The following AHNAK2 variants were observed in gnomAD, a reference collection of about 807,000 sequenced individuals.
AHNAK2 encodes protein AHNAK2.
AHNAK2 carries 18 observed loss-of-function variants against 30.7 expected under a neutral mutation model. That is an observed-to-expected ratio of 0.59 (90% confidence interval 0.41 to 0.87). AHNAK2 has a LOEUF of 0.87. Ranked by LOEUF, AHNAK2 falls within the 40% of genes least tolerant of loss-of-function variation. The pLI, the probability that AHNAK2 is intolerant of heterozygous loss-of-function variation, is 0.00. For missense variants in AHNAK2, 8,604 were observed against 7,373.0 expected (o/e 1.17, Z -6.11); for synonymous variants, 3,590 against 3,073.8 (o/e 1.17, Z -5.56).
chr14:104,938,248 C>G lies in AHNAK2; in HGVS notation c.17203G>C (p.Asp5735His). The part of the protein sequence containing the change: ...KLQEETITFF[D>H]ARESFSPEEK... ...TCAGGGGAGAAACTTTCTCGGGCAT[C>G]AAAAAACGTGATTGTTTCTTCTTGA... is the stretch of plus-strand genomic sequence containing the variant. The change falls in exon 7 of 7, where the codon GAT becomes CAT. Residue 5735 changes from aspartate (D) to histidine (H), a missense_variant. By Grantham distance (81) the Asp-to-His change is moderately conservative (BLOSUM62 -1). Transcript: ENST00000333244. The G allele has an allele frequency of 6.2e-7, 1 of 1,613,812 alleles. No individual in the cohort carries two copies. The highest frequency in any genetic ancestry group is 2.2e-5 in the East Asian group (1 of 44,884).
At position 104,948,532 on chromosome 14, in the gene AHNAK2, C is replaced by T. The variant is rs182618947; in HGVS notation, c.6919G>A (p.Ala2307Thr). ...GARLEGDMSL[A>T]DKDVTAKDSK... The stretch of plus-strand genomic sequence containing the variant: ...TCTTTGGCAGTCACGTCCTTGTCGG[C>T]CAGGGACATGTCCCCCTCCAGCCGC... The change falls in exon 7 of 7, where the codon GCC becomes ACC. Residue 2307 changes from alanine to threonine, a missense_variant. Coordinates refer to ENST00000333244, the MANE Select transcript of AHNAK2 (RefSeq NM_138420.4). 1.2e-6 allele frequency: 2 copies of T among 1,612,070 alleles called. No individual in the cohort carries two copies. The highest frequency in any genetic ancestry group is 4.5e-5 in the East Asian group (2 of 44,772).
At chr14:104,957,379 G>T (rs369460661) in intron 3 of AHNAK2, 31 bp downstream of exon 3, 72 of 1,544,444 alleles carry the variant, frequency 4.7e-5, no homozygotes, top group Non-Finnish European at 6.2e-5. Flanking sequence ...GGAGACCTGG[G>T]TGCCTGTGGG....
Position 104,946,001 on chromosome 14 carries a change from C to T in AHNAK2, c.9450G>A (p.Met3150Ile). 7.2e-7 allele frequency: 1 copy of T among 1,397,354 alleles called. No individual in the cohort carries two copies. The highest frequency in any genetic ancestry group is 1.0e-6 in the Non-Finnish European group (1 of 1,004,172). The allele number at this position is 1,397,354 out of a possible 1,614,324, so 86.6% of individuals were successfully genotyped here. A position where few individuals can be genotyped will look rare whatever the true frequency, so the allele number is the denominator to read the frequency against. The change falls in exon 7 of 7, where the codon ATG becomes ATA. Residue 3150 changes from methionine to isoleucine, a missense_variant. Met to Ile is a conservative substitution (Grantham distance 10, BLOSUM62 1). Coordinates refer to ENST00000333244, the MANE Select transcript of AHNAK2 (RefSeq NM_138420.4). ...DSKFKMPKFK[M>I]PSFGVSAPGK... ...CTGGGGCAGACACCCCGAACGACGG[C>T]ATCTTGAACTTGGGCATTTTGAACT...
rs763917769 is a variant in AHNAK2 at position 104,953,122 on chromosome 14, T to G, written c.2329A>C (p.Lys777Gln). 1.2e-6 allele frequency: 2 copies of G among 1,611,698 alleles called. No homozygotes were observed. Among genetic ancestry groups the G allele is most frequent in the Admixed American group, 3.3e-5 (2 of 59,870 alleles). ...GCCTTGGGGCCTTTCAGGTCCAGCT[T>G]GGGGCCCTTGAGGTCCACTTTGGGC... is the stretch of plus-strand genomic sequence containing the variant. The part of the protein sequence containing the change: ...KMPKVDLKGP[K>Q]LDLKGPKAEV... The change falls in exon 7 of 7, where the codon AAG becomes CAG. Residue 777 changes from lysine (K) to glutamine (Q), a missense_variant. Coordinates refer to ENST00000333244, the MANE Select transcript of AHNAK2 (RefSeq NM_138420.4).
chr14:104,969,459 A>G (rs1372528589), intron 1 of AHNAK2, among the ~76,000 whole-genome samples: 6 of 152,178 alleles, frequency 3.9e-5, no homozygotes, highest in Non-Finnish European at 8.8e-5. Flanking sequence ...TGCTGGGCAA[A>G]TTCACAGACT....
intron 1 of AHNAK2, chr14:104,970,557 C>G (rs189113480): frequency 3.4e-5 from 33 of 980,046 alleles, no homozygotes; most frequent in African/African-American, 2.3e-4. Flanking sequence ...GCTCCTCCCC[C>G]CATTGTCCCG....
chr14:104,949,304 A>T lies in AHNAK2; in HGVS notation c.6147T>A (p.Thr2049=), dbSNP rs548544001. ...QPPSADLKVQ[T]GQVDVKLPEG... ...CCGGGAGCTTCACATCCACCTGGCC[A>T]GTCTGGACCTTCAGGTCGGCAGAAG... The change falls in exon 7 of 7, where the codon ACT becomes ACA. Residue 2049 remains threonine (T), a synonymous_variant. Transcript: ENST00000333244. The T allele has an allele frequency of 5.6e-6, 6 of 1,066,322 alleles. 2 individuals carry two copies. In the African/African-American group the frequency reaches 8.7e-5, roughly 15 times the overall value. 66.1% of individuals were successfully genotyped at this position (1,066,322 alleles called of 1,614,324 possible).
rs757067612 is a variant in AHNAK2, at chr14:104,953,318, G to A, written c.2133C>T (p.Leu711=). ...TCTTGAGGTCCCCCTGCATGGAGAG[G>A]AGGCTCACGTCGGCCTCCACCTTCG... ...SAPKVEADVS[L]LSMQGDLKTT... Residue 711 remains leucine, a synonymous_variant, in exon 7 of 7, where the codon CTC becomes CTT. Transcript: ENST00000333244. The A allele has an allele frequency of 4.3e-6, 7 of 1,612,928 alleles. No homozygotes were observed. The African/African-American group carries it at 6.7e-5, about 15-fold the overall frequency.
In AHNAK2 at chr14:104,953,043, A is replaced by G. The variant is rs1267242756; in HGVS notation, c.2408T>C (p.Val803Ala). The change falls in exon 7 of 7, where the codon GTC (valine) becomes GCC (alanine). Residue 803 changes from valine to alanine, a missense_variant. Transcript: ENST00000333244. ...KMSLSSMEVD[V>A]QAPRAKLDGA... ...ATCCAGCTTTGCTCTCGGGGCCTGGACGTCCACCTCCATGCTGGACAGAGA... is the reference window on the plus strand; with the variant it reads ...ATCCAGCTTTGCTCTCGGGGCCTGGGCGTCCACCTCCATGCTGGACAGAGA... 10 of 1,612,960 alleles carry G rather than the reference A, an allele frequency of 6.2e-6. No individual in the cohort carries two copies. The highest frequency in any genetic ancestry group is 2.2e-5 in the East Asian group (1 of 44,788).
At chr14:104,974,987 G>A (rs529115867) in intron 1 of AHNAK2, among the ~76,000 whole-genome samples, 3 of 152,350 alleles carry the variant, frequency 2.0e-5, no homozygotes, top group South Asian at 2.1e-4. Flanking sequence ...GTCACAAGAG[G>A]AAGGACACAG....
rs866385857 is a variant in AHNAK2, at chr14:104,941,494, C to T, written c.13957G>A (p.Glu4653Lys). The change falls in exon 7 of 7, where the codon GAA becomes AAA. Residue 4653 changes from glutamate (E) to lysine (K), a missense_variant. Glu to Lys is a moderately conservative substitution (Grantham distance 56). Coordinates refer to ENST00000333244, the MANE Select transcript of AHNAK2 (RefSeq NM_138420.4). ...KKVSMSSSEI[E>K]GNVTFHEKTS... The stretch of plus-strand genomic sequence containing the variant: ...TTCTCATGGAATGTAACATTTCCTT[C>T]GATTTCAGAGGAAGACATGGAAACT... 8 of 1,612,798 alleles carry T rather than the reference C, an allele frequency of 5.0e-6. No individual in the cohort carries two copies. In the Admixed American group the frequency reaches 8.3e-5, roughly 17 times the overall value.
intron 1 of AHNAK2, among the ~76,000 whole-genome samples, chr14:104,958,714 A>G (rs1309178223): frequency 2.0e-5 from 3 of 152,194 alleles, no homozygotes; most frequent in African/African-American, 7.2e-5. Context: ...TTGTTTGAAG[A>G]AAAACAGAGT....
rs761507427 is a variant in AHNAK2 at position 104,944,305 on chromosome 14, C to T, written c.11146G>A (p.Gly3716Ser). The T allele has an allele frequency of 7.4e-6, 12 of 1,612,804 alleles. No individual in the cohort carries two copies. Among genetic ancestry groups the T allele is most frequent in the East Asian group, 2.2e-5 (1 of 44,730 alleles). Residue 3716 changes from glycine to serine, a missense_variant, in exon 7 of 7, where the codon GGC (glycine) becomes AGC (serine). Transcript: ENST00000333244. ...ACCTTGGGCAGGTGCTCTTTGAGGC[C>T]GGCTCCCTCGGGCACCTGGCCCTCC... is the stretch of plus-strand genomic sequence containing the variant. ...LPEGQVPEGA[G>S]LKEHLPKVEM...
Position 104,947,584 on chromosome 14 carries a change from C to T in AHNAK2, c.7867G>A (p.Ala2623Thr), listed in dbSNP as rs377394378. ...TCCAGCCGCGCACCATCCAGCTTTG[C>T]TCTCGGGGCCTGGACGTCCACCTCC... ...SMEVDVQAPR[A>T]KLDGARLEGD... The change falls in exon 7 of 7, where the codon GCA (alanine) becomes ACA (threonine). Residue 2623 changes from alanine (A) to threonine (T), a missense_variant. Physicochemically the swap from Ala to Thr is moderately conservative, Grantham distance 58. Coordinates refer to ENST00000333244, the MANE Select transcript of AHNAK2 (RefSeq NM_138420.4). The T allele has an allele frequency of 4.1e-4, 660 of 1,613,070 alleles. 17 individuals carry two copies. In the East Asian group the frequency reaches 0.014, roughly 34 times the overall value.
Position 104,938,711 on chromosome 14 carries a change from G to A in AHNAK2, c.16740C>T (p.Ser5580=), listed in dbSNP as rs753692719. Residue 5580 remains serine, a synonymous_variant, in exon 7 of 7, where the codon AGC becomes AGT. Coordinates refer to ENST00000333244, the MANE Select transcript of AHNAK2 (RefSeq NM_138420.4). ...TGEPFEMISS[S]VNVLGQQTLT... is the part of the protein sequence containing the mutation. ...GTGTTTGCTGTCCCAGTACATTGAC[G>A]CTGGAAGAGATCATCTCAAATGGTT... The A allele has an allele frequency of 9.3e-6, 15 of 1,613,272 alleles. No individual in the cohort carries two copies. The highest frequency in any genetic ancestry group is 6.7e-5 in the East Asian group (3 of 44,886).
chr14:104,954,899 CAGCCAGCAGGGTAGTGA>C lies in AHNAK2; in HGVS notation c.651+41_651+57del, dbSNP rs66540327. 691,911 of 1,569,624 alleles carry C rather than the reference CAGCCAGCAGGGTAGTGA, an allele frequency of 0.44. 158,498 individuals are homozygous for C. Among genetic ancestry groups the C allele is most frequent in the Middle Eastern group, 0.55 (2,817 of 5,116 alleles). ...TGGGAGTGCTATCCCCTCCCAGGCT[CAGCCAGCAGGGTAGTGA>C]AGCCAGCTGGGGCCCTGCCCCCCGG... is the stretch of plus-strand genomic sequence containing the variant. On this transcript the variant is annotated intron_variant, in intron 6 of 6. Transcript: ENST00000333244. The surrounding 1 kb of genome is among the most constrained non-coding windows in gnomAD (Gnocchi z 4.3).
At position 104,954,413 on chromosome 14, in the gene AHNAK2, G is replaced by A; in HGVS notation, c.1038C>T (p.Phe346=). ...PSSTGQPGRG[F]QSGVGRAGVL... ...CCCCAGCACGGCCCACCCCACTCTG[G>A]AACCCCCTGCCTGGCTGTCCTGTCG... Residue 346 remains phenylalanine (F), a synonymous_variant, in exon 7 of 7, where the codon TTC becomes TTT. Transcript: ENST00000333244. The surrounding 1 kb of genome is among the most constrained non-coding windows in gnomAD (Gnocchi z 4.3). 1 of 1,612,780 alleles carries A rather than the reference G, an allele frequency of 6.2e-7. No homozygotes were observed. Among genetic ancestry groups the A allele is most frequent in the African/African-American group, 1.3e-5 (1 of 75,002 alleles).
At chr14:104,977,059 T>C (rs915331141) in intron 1 of AHNAK2, among the ~76,000 whole-genome samples, 1 of 151,890 alleles carries the variant, frequency 6.6e-6, no homozygotes, top group Non-Finnish European at 1.5e-5. Context: ...CCTCCCACCC[T>C]AAGTGCGCAC....
Position 104,942,945 on chromosome 14 carries a change from A to T in AHNAK2, c.12506T>A (p.Leu4169His), listed in dbSNP as rs1328217713. Residue 4169 changes from leucine (L) to histidine (H), a missense_variant, in exon 7 of 7, where the codon CTC becomes CAC. Transcript: ENST00000333244. ...CTTGAGGTCCCCCTGCATGGAGGGG[A>T]GGCTCACGTCGGCTTTCGCCTTCAG... The part of the protein sequence containing the change: ...SELKAKADVS[L>H]PSMQGDLKTT... 2 of 1,613,076 alleles carry T rather than the reference A, an allele frequency of 1.2e-6. No individual in the cohort carries two copies. The highest frequency in any genetic ancestry group is 1.1e-5 in the South Asian group (1 of 91,062).
Sources: gnomAD v4.1 joint callset for allele counts (sites outside exome capture counted in the v4.1 genomes callset) on GRCh38, gnomAD v4.1.1 for gene constraint, Gnocchi (gnomAD v3.1) non-coding constraint, MANE v1.5 for transcripts, NCBI Gene and HGNC (gene_info 2026-07-23, HGNC 2026-07-21) for gene names.